Variants in MPPED1 observed in about 807,000 individuals in gnomAD.
MPPED1 encodes the protein metallophosphoesterase domain containing 1, also known as metallophosphoesterase domain-containing protein 1.
Under a neutral mutation model 36.2 loss-of-function variants are expected in MPPED1, and 16 were observed. That is an observed-to-expected ratio of 0.44 (90% CI 0.30 to 0.67). The LOEUF is 0.67. Ranked by LOEUF, MPPED1 falls within the 30% of genes least tolerant of loss-of-function variation. The pLI is 0.10. For missense variants in MPPED1, 307 were observed against 453.4 expected (o/e 0.68, Z 2.93); for synonymous variants, 199 against 191.3 (o/e 1.04, Z -0.33).
chr22:43,415,230 A>AAAAAAAAAAAAAAAAAAAG, intron 1 of MPPED1, among the ~76,000 whole-genome samples: 1 of 142,218 alleles, frequency 7.0e-6, no homozygotes, highest in African/African-American at 2.5e-5. Flanking sequence ...AAAAGCAAAA[A>AAAAAAAAAAAAAAAAAAAG]AAAAAAAAAA....
intron 5 of MPPED1, among the ~76,000 whole-genome samples, chr22:43,501,766 C>T (rs1269470111): frequency 4.6e-5 from 7 of 152,104 alleles, no homozygotes; most frequent in South Asian, 2.1e-4. Flanking sequence ...CCAGTGTCTG[C>T]CCCCAGCCTG....
intron 4 of MPPED1, among the ~76,000 whole-genome samples, chr22:43,489,915 G>A (rs978368007): frequency 5.3e-5 from 8 of 152,204 alleles, no homozygotes; most frequent in Non-Finnish European, 1.0e-4. Flanking sequence ...TGGTGGTGCC[G>A]TCTAATCCTC....
At chr22:43,470,761 TTACCTGGGGA>T (rs1482648541) in intron 3 of MPPED1, among the ~76,000 whole-genome samples, 1 of 152,256 alleles carries the variant, frequency 6.6e-6, no homozygotes, top group African/African-American at 2.4e-5. Flanking sequence ...TTCGCCAGGT[TTACCTGGGGA>T]TAGTAACACT....
intron 3 of MPPED1, among the ~76,000 whole-genome samples, chr22:43,454,231 A>T (rs557448364): frequency 2.0e-5 from 3 of 151,864 alleles, no homozygotes; most frequent in Admixed American, 6.6e-5. Context: ...CTGGTCTCGA[A>T]CTCCTGACCT....
chr22:43,464,291 CTG>C (rs60119589), intron 3 of MPPED1, among the ~76,000 whole-genome samples: 34,370 of 143,440 alleles, frequency 0.24, 4,197 homozygotes, highest in East Asian at 0.41. Flanking sequence ...TTGGTCAGCT[CTG>C]TGTGTGTGTG....
chr22:43,475,813 G>A (rs887588527), intron 4 of MPPED1, among the ~76,000 whole-genome samples: 1 of 141,058 alleles, frequency 7.1e-6, no homozygotes, highest in Non-Finnish European at 1.6e-5. Context: ...TGGTGGTGGT[G>A]TGATGATGAT....
At chr22:43,428,595 C>T (rs572145316) in intron 2 of MPPED1, among the ~76,000 whole-genome samples, 1 of 152,254 alleles carries the variant, frequency 6.6e-6, no homozygotes, top group African/African-American at 2.4e-5. Context: ...GGCTTTGTCT[C>T]CGGGGTGAGG....
At chr22:43,420,948 G>GTTCA (rs1929251514) in intron 1 of MPPED1, among the ~76,000 whole-genome samples, 1 of 152,210 alleles carries the variant, frequency 6.6e-6, no homozygotes, top group Non-Finnish European at 1.5e-5. Context: ...TAAGTCATGC[G>GTTCA]TTCATTCATT....
At chr22:43,465,545 G>A (rs948822555) in intron 3 of MPPED1, among the ~76,000 whole-genome samples, 1 of 152,238 alleles carries the variant, frequency 6.6e-6, no homozygotes, top group Non-Finnish European at 1.5e-5. Context: ...CCTCGAAGGG[G>A]CTCCCAGGGT....
intron 4 of MPPED1, among the ~76,000 whole-genome samples, chr22:43,475,271 G>T (rs139068302): frequency 3.3e-5 from 5 of 152,040 alleles, no homozygotes; most frequent in African/African-American, 1.2e-4. Context: ...AGTGGGTGAG[G>T]ACCTTGCCAA....
intron 4 of MPPED1, among the ~76,000 whole-genome samples, chr22:43,482,823 T>G (rs1223488939): frequency 1.3e-5 from 2 of 152,222 alleles, no homozygotes; most frequent in African/African-American, 4.8e-5. Context: ...GCACTGGCCT[T>G]TGACGTCCGT....
intron 2 of MPPED1, among the ~76,000 whole-genome samples, chr22:43,426,529 G>T (rs1279927854): frequency 1.3e-5 from 2 of 152,178 alleles, no homozygotes; most frequent in Admixed American, 1.3e-4. Flanking sequence ...TTAGGGCAGC[G>T]GTGCTTGTGG....
At chr22:43,470,078 G>C (rs973616395) in intron 3 of MPPED1, among the ~76,000 whole-genome samples, 1 of 120,208 alleles carries the variant, frequency 8.3e-6, no homozygotes, top group African/African-American at 2.8e-5. Context: ...CATCCATCCA[G>C]CCACCCATCC....
At chr22:43,418,031 C>T (rs1034398615) in intron 1 of MPPED1, 5 of 456,058 alleles carry the variant, frequency 1.1e-5, no homozygotes, top group Admixed American at 7.0e-5. Flanking sequence ...GACTGTCATC[C>T]GAGTTTTGGA....
chr22:43,414,870 C>T (rs1048147857), intron 1 of MPPED1, among the ~76,000 whole-genome samples: 1 of 152,112 alleles, frequency 6.6e-6, no homozygotes, highest in South Asian at 2.1e-4. Context: ...GCAAAGGGCT[C>T]CCCAGGTGCA....
At chr22:43,465,583 G>C (rs1158365013) in intron 3 of MPPED1, among the ~76,000 whole-genome samples, 1 of 152,202 alleles carries the variant, frequency 6.6e-6, no homozygotes, top group South Asian at 2.1e-4. Context: ...ATCAACCCGC[G>C]GTTGGTTTGG....
At chr22:43,438,617 T>C (rs1415743858) in intron 3 of MPPED1, among the ~76,000 whole-genome samples, 2 of 152,144 alleles carry the variant, frequency 1.3e-5, no homozygotes, top group Non-Finnish European at 2.9e-5. Context: ...CCAGAGTCGA[T>C]GTCTGGGTGG....
intron 2 of MPPED1, among the ~76,000 whole-genome samples, chr22:43,431,757 A>G (rs916303794): frequency 2.0e-5 from 3 of 152,210 alleles, no homozygotes; most frequent in Non-Finnish European, 2.9e-5. Flanking sequence ...TGAGCTCTTG[A>G]TGCGTGGGGA....
At chr22:43,452,377 ACTG>A (rs1358422781) in intron 3 of MPPED1, among the ~76,000 whole-genome samples, 1 of 151,984 alleles carries the variant, frequency 6.6e-6, no homozygotes, top group African/African-American at 2.4e-5. Flanking sequence ...AGGAAACAGC[ACTG>A]CTGCCTGTGG....
Sources: gnomAD v4.1 joint callset for allele counts (sites outside exome capture counted in the v4.1 genomes callset) on GRCh38, gnomAD v4.1.1 for gene constraint, MANE v1.5 for transcripts, NCBI Gene and HGNC (gene_info 2026-07-23, HGNC 2026-07-21) for gene names.